Variants in ERC2 observed in about 807,000 individuals in gnomAD.
ERC2 encodes ELKS/RAB6-interacting/CAST family member 2, also known as ERC protein 2.
Under a neutral mutation model 114.8 loss-of-function variants are expected in ERC2, and 42 were observed. The observed-to-expected ratio is 0.37, with a 90% CI of 0.29 to 0.47. ERC2 has a LOEUF of 0.47. Ranked by LOEUF, ERC2 falls within the 20% of genes least tolerant of loss-of-function variation. The pLI, the probability that ERC2 is intolerant of heterozygous loss-of-function variation, is 0.99. For synonymous variants in ERC2, 454 were observed against 425.5 expected (o/e 1.07, Z -0.82); for missense variants, 939 against 1,150.7 (o/e 0.82, Z 2.66).
At chr3:55,879,244 T>C (rs1242392774) in intron 14 of ERC2, among the ~76,000 whole-genome samples, 1 of 152,108 alleles carries the variant, frequency 6.6e-6, no homozygotes, top group Non-Finnish European at 1.5e-5. Flanking sequence ...GGAGATTGCC[T>C]TTGCCTTTCA....
At chr3:56,216,214 T>C (rs1238990515) in intron 3 of ERC2, among the ~76,000 whole-genome samples, 1 of 152,098 alleles carries the variant, frequency 6.6e-6, no homozygotes, top group African/African-American at 2.4e-5. Context: ...AGCTGACTTT[T>C]TGAAAAGATC....
intron 3 of ERC2, among the ~76,000 whole-genome samples, chr3:56,264,352 T>TTTA (rs2053147572): frequency 6.6e-6 from 1 of 152,150 alleles, no homozygotes. Flanking sequence ...ATCCCAGAAC[T>TTTA]TTAGGAGGCC....
chr3:55,898,923 G>A (rs2063976102), intron 13 of ERC2, among the ~76,000 whole-genome samples: 1 of 152,176 alleles, frequency 6.6e-6, no homozygotes, highest in South Asian at 2.1e-4. Flanking sequence ...GCATCGCACA[G>A]TAGATCTTCC....
intron 13 of ERC2, among the ~76,000 whole-genome samples, chr3:55,893,396 A>G (rs536143235): frequency 2.0e-5 from 3 of 152,298 alleles, no homozygotes; most frequent in Middle Eastern, 6.8e-3. Flanking sequence ...TCTCACCTCT[A>G]TGTAGATGTC....
At chr3:56,091,470 A>G (rs1465139452) in intron 6 of ERC2, among the ~76,000 whole-genome samples, 1 of 152,196 alleles carries the variant, frequency 6.6e-6, no homozygotes. Context: ...AAACATATGA[A>G]AAGCAAATGG....
intron 6 of ERC2, among the ~76,000 whole-genome samples, chr3:56,081,692 T>A (rs1255249394): frequency 1.1e-4 from 16 of 152,222 alleles, no homozygotes; most frequent in Admixed American, 7.8e-4. Context: ...GTTTTTTTTT[T>A]AATTTAACAT....
chr3:55,851,689 T>C (rs1279882658), intron 14 of ERC2, among the ~76,000 whole-genome samples: 1 of 151,878 alleles, frequency 6.6e-6, no homozygotes, highest in African/African-American at 2.4e-5. Context: ...CCTGCCCACC[T>C]AACTTTTAAA....
At chr3:55,810,704 C>T (rs9849819) in intron 14 of ERC2, among the ~76,000 whole-genome samples, 8,129 of 152,274 alleles carry the variant, frequency 0.053, 305 homozygotes, top group African/African-American at 0.099. Context: ...AGGTGATCCA[C>T]CTGCCTTGGC....
intron 15 of ERC2, among the ~76,000 whole-genome samples, chr3:55,721,482 A>T (rs960240718): frequency 2.0e-5 from 3 of 152,264 alleles, no homozygotes; most frequent in African/African-American, 4.8e-5. Flanking sequence ...AATGCACTGG[A>T]ATAATCTCAG....
chr3:55,639,018 G>A (rs1041444200), intron 17 of ERC2, among the ~76,000 whole-genome samples: 1 of 152,186 alleles, frequency 6.6e-6, no homozygotes. Context: ...TGAGCGTTGA[G>A]AACACCCTAT....
intron 15 of ERC2, among the ~76,000 whole-genome samples, chr3:55,708,425 C>T (rs946191329): frequency 7.2e-5 from 11 of 152,208 alleles, no homozygotes; most frequent in African/African-American, 2.7e-4. Flanking sequence ...TTAATTAAGT[C>T]GTGGGCAGCA....
At chr3:55,756,660 A>G (rs2067078937) in intron 14 of ERC2, among the ~76,000 whole-genome samples, 1 of 152,226 alleles carries the variant, frequency 6.6e-6, no homozygotes, top group Admixed American at 6.5e-5. Flanking sequence ...GGCCCAAGCC[A>G]TGAAAAATCA....
intron 17 of ERC2, among the ~76,000 whole-genome samples, chr3:55,564,757 C>T (rs1292342874): frequency 1.3e-5 from 2 of 152,238 alleles, no homozygotes; most frequent in Non-Finnish European, 2.9e-5. Flanking sequence ...TTTGACCCAT[C>T]CCCATTCGTG....
intron 14 of ERC2, among the ~76,000 whole-genome samples, chr3:55,799,423 C>CATATATATATATGCATAT (rs1171224151): frequency 3.3e-4 from 37 of 110,524 alleles, no homozygotes; most frequent in African/African-American, 1.7e-3. Context: ...TATATATATG[C>CATATATATATATGCATAT]ATATATATAT....
intron 7 of ERC2, among the ~76,000 whole-genome samples, chr3:56,073,791 C>T (rs552025890): frequency 6.6e-6 from 1 of 152,082 alleles, no homozygotes; most frequent in Non-Finnish European, 1.5e-5. Context: ...AGCCAACAAC[C>T]AAAGGAAAGG....
intron 7 of ERC2, among the ~76,000 whole-genome samples, chr3:56,065,524 T>TAAA (rs78858402): frequency 2.1e-4 from 31 of 147,980 alleles, no homozygotes; most frequent in Middle Eastern, 3.4e-3. Context: ...CTTTCTTTTT[T>TAAA]AAAAAAAAAA....
chr3:56,454,208 A>G (rs1038711381), intron 1 of ERC2, among the ~76,000 whole-genome samples: 10 of 152,194 alleles, frequency 6.6e-5, no homozygotes, highest in Non-Finnish European at 1.2e-4. Context: ...AGGCAACTCA[A>G]TGTAGAGCAG....
intron 3 of ERC2, among the ~76,000 whole-genome samples, chr3:56,228,060 C>G (rs2050368153): frequency 6.6e-6 from 1 of 152,122 alleles, no homozygotes; most frequent in African/African-American, 2.4e-5. Flanking sequence ...ACCTCAAGGG[C>G]TGGCAGAAGA....
At chr3:55,919,482 T>C (rs2065290299) in intron 13 of ERC2, among the ~76,000 whole-genome samples, 2 of 152,126 alleles carry the variant, frequency 1.3e-5, no homozygotes, top group African/African-American at 2.4e-5. Context: ...AAACATACTA[T>C]TAAGAAATTA....
Sources: allele counts gnomAD v4.1 joint callset (sites outside exome capture counted in the v4.1 genomes callset), GRCh38; gene constraint gnomAD v4.1.1; transcripts MANE v1.5; gene names NCBI Gene and HGNC (gene_info 2026-07-23, HGNC 2026-07-21).